SH3BGR: variants seen among roughly 807,000 people sequenced by gnomAD.
SH3BGR encodes the protein SH3 domain-binding glutamic acid-rich protein.
In SH3BGR, 29 loss-of-function variants were observed where a neutral mutation model predicts 24.5. That is an observed-to-expected ratio of 1.18 (90% CI 0.88 to 1.61). The LOEUF is 1.61. Ranked by LOEUF, SH3BGR falls within the 40% of genes most tolerant of loss-of-function variation. The pLI, the probability that SH3BGR is intolerant of heterozygous loss-of-function variation, is 0.00. For missense variants in SH3BGR, 162 were observed against 205.8 expected (o/e 0.79, Z 1.30); for synonymous variants, 55 against 65.7 (o/e 0.84, Z 0.79).
chr21:39,448,414 A>T (rs2077535703), upstream of SH3BGR, among the ~76,000 whole-genome samples: 1 of 152,224 alleles, frequency 6.6e-6, no homozygotes, highest in African/African-American at 2.4e-5. Flanking sequence ...TCATGAGATC[A>T]TCTGGGGGTC....
intron 3 of SH3BGR, among the ~76,000 whole-genome samples, chr21:39,495,482 C>CTTTTTTTT (rs543877521): frequency 4.6e-4 from 65 of 140,182 alleles, no homozygotes; most frequent in African/African-American, 1.6e-3. Context: ...GTAAAAGTCT[C>CTTTTTTTT]TTTTTTTTTT....
chr21:39,503,143 C>A (rs1004495213), intron 4 of SH3BGR, among the ~76,000 whole-genome samples: 4 of 152,240 alleles, frequency 2.6e-5, no homozygotes, highest in African/African-American at 9.6e-5. Context: ...CCCCTCTACC[C>A]CCTCAGCTTT....
chr21:39,448,310 C>T (rs756297117), upstream of SH3BGR, among the ~76,000 whole-genome samples: 1 of 152,140 alleles, frequency 6.6e-6, no homozygotes, highest in Admixed American at 6.5e-5. Context: ...GTAATCATTT[C>T]CATCATTCTA....
At chr21:39,479,241 G>GTGGTGGTGGTGGTGA (rs1569160856) in intron 3 of SH3BGR, among the ~76,000 whole-genome samples, 1 of 147,476 alleles carries the variant, frequency 6.8e-6, no homozygotes. Flanking sequence ...GGTGGTGGTG[G>GTGGTGGTGGTGGTGA]TGGTGGTGGT....
intron 1 of SH3BGR, among the ~76,000 whole-genome samples, chr21:39,456,669 G>C (rs921671435): frequency 1.3e-5 from 2 of 152,192 alleles, no homozygotes; most frequent in Admixed American, 1.3e-4. Flanking sequence ...GGGCACCTTG[G>C]TGGGGAGCAC....
chr21:39,461,453 T>C (rs1223586882), intron 1 of SH3BGR, among the ~76,000 whole-genome samples: 2 of 152,070 alleles, frequency 1.3e-5, no homozygotes, highest in Admixed American at 6.6e-5. Context: ...AGATCTTAAT[T>C]GGCTTTTGTG....
intron 3 of SH3BGR, among the ~76,000 whole-genome samples, chr21:39,481,780 C>A (rs186673031): frequency 6.6e-6 from 1 of 151,968 alleles, no homozygotes; most frequent in African/African-American, 2.4e-5. Flanking sequence ...GGTCAAATAT[C>A]GAATAAATGA....
chr21:39,499,255 C>CATCTATCTATCTATCTATCT (rs111762804), intron 3 of SH3BGR, among the ~76,000 whole-genome samples: 6,385 of 151,170 alleles, frequency 0.042, 188 homozygotes, highest in Non-Finnish European at 0.065. Context: ...ACCTATCTAT[C>CATCTATCTATCTATCTATCT]ATCTGTCTAT....
intron 1 of SH3BGR, among the ~76,000 whole-genome samples, chr21:39,460,654 G>C (rs1569151414): frequency 6.6e-6 from 1 of 152,064 alleles, no homozygotes; most frequent in Non-Finnish European, 1.5e-5. Context: ...ATGTTTAGTA[G>C]AGATGGGGTT....
intron 6 of SH3BGR, among the ~76,000 whole-genome samples, chr21:39,512,503 C>T (rs1235051736): frequency 6.6e-6 from 1 of 152,166 alleles, no homozygotes; most frequent in Non-Finnish European, 1.5e-5. Flanking sequence ...ATAAGTGCCA[C>T]ATATTAGTGA....
At position 39,451,982 on chromosome 21, in the gene SH3BGR, GGCTGCT is replaced by G; in HGVS notation, c.-112_-107del. The G allele has an allele frequency of 6.2e-7, 1 of 1,614,164 alleles. No homozygotes were observed. The highest frequency in any genetic ancestry group is 8.5e-7 in the Non-Finnish European group (1 of 1,180,012). On this transcript the variant is annotated 5_prime_UTR_variant, in exon 1 of 7. Coordinates refer to ENST00000333634, the MANE Select transcript of SH3BGR (RefSeq NM_007341.3). ...ACTGCCGGAGCCCAGTGGACCCCTG[GGCTGCT>G]GCCAGCCCCGACCTGGCACTTGCTT...
At chr21:39,482,849 T>C (rs924640356) in intron 3 of SH3BGR, among the ~76,000 whole-genome samples, 2 of 152,174 alleles carry the variant, frequency 1.3e-5, no homozygotes, top group Non-Finnish European at 2.9e-5. Context: ...TTTGTATTTT[T>C]AGTAGAGACG....
intron 4 of SH3BGR, among the ~76,000 whole-genome samples, chr21:39,504,202 C>T (rs547258950): frequency 6.6e-6 from 1 of 152,292 alleles, no homozygotes; most frequent in East Asian, 1.9e-4. Context: ...TGGTCTGTAA[C>T]CACCCCTCTC....
chr21:39,451,492 C>A (rs576495418), upstream of SH3BGR, among the ~76,000 whole-genome samples: 4 of 152,274 alleles, frequency 2.6e-5, no homozygotes, highest in Admixed American at 6.5e-5. Flanking sequence ...TATTGTATGA[C>A]AGTTTACTTA....
chr21:39,458,936 C>T (rs557039771), intron 1 of SH3BGR, among the ~76,000 whole-genome samples: 6 of 152,004 alleles, frequency 3.9e-5, no homozygotes, highest in South Asian at 2.1e-4. Context: ...CCTGAGCCAC[C>T]GTACCCGGCC....
intron 1 of SH3BGR, among the ~76,000 whole-genome samples, chr21:39,459,048 T>C (rs1002946911): frequency 6.6e-6 from 1 of 152,072 alleles, no homozygotes; most frequent in Admixed American, 6.6e-5. Flanking sequence ...GTTTTTTTTT[T>C]TTCACCCAAA....
At chr21:39,463,639 G>T (rs1268240657) in intron 2 of SH3BGR, among the ~76,000 whole-genome samples, 1 of 152,142 alleles carries the variant, frequency 6.6e-6, no homozygotes, top group Non-Finnish European at 1.5e-5. Flanking sequence ...TACTGCCACT[G>T]TCTGTTTTAT....
chr21:39,506,868 C>T (rs1031378862), intron 4 of SH3BGR, among the ~76,000 whole-genome samples: 1 of 152,150 alleles, frequency 6.6e-6, no homozygotes, highest in African/African-American at 2.4e-5. Flanking sequence ...ATCTCTCTGG[C>T]TGCAGTCTGG....
chr21:39,452,853 G>A (rs2077596540), intron 1 of SH3BGR, among the ~76,000 whole-genome samples: 1 of 152,186 alleles, frequency 6.6e-6, no homozygotes, highest in Non-Finnish European at 1.5e-5. Flanking sequence ...GTGATGAAGT[G>A]ACACATTTCT....
Sources: gnomAD v4.1 joint callset for allele counts (sites outside exome capture counted in the v4.1 genomes callset) on GRCh38, gnomAD v4.1.1 for gene constraint, MANE v1.5 for transcripts, NCBI Gene and HGNC (gene_info 2026-07-23, HGNC 2026-07-21) for gene names.